Variants in MORC2 observed in about 807,000 individuals in gnomAD.
MORC2 encodes the protein MORC family CW-type zinc finger 2.
MORC2 carries 30 observed loss-of-function variants against 136.0 expected under a neutral mutation model. The observed-to-expected ratio is 0.22, with a 90% CI of 0.17 to 0.30. The LOEUF (loss-of-function observed/expected upper bound fraction) is 0.30, where lower values mean the gene tolerates loss of function less well. Ranked by LOEUF, MORC2 falls within the 10% of genes least tolerant of loss-of-function variation. MORC2 has a pLI of 1.00. For synonymous variants in MORC2, 439 were observed against 487.0 expected, an observed-to-expected ratio of 0.90 and a Z score of 1.30; for missense variants, 922 against 1,333.1, an observed-to-expected ratio of 0.69 and a Z score of 4.80.
At chr22:30,960,711 G>C (rs1455178334) in intron 1 of MORC2, among the ~76,000 whole-genome samples, 1 of 146,420 alleles carries the variant, frequency 6.8e-6, no homozygotes, top group African/African-American at 2.5e-5. Context: ...GGCTGGTCTT[G>C]AACTCCCAAC....
At chr22:30,940,648 G>A in intron 10 of MORC2, 110 bp downstream of exon 10, 2 of 915,184 alleles carry the variant, frequency 2.2e-6, no homozygotes, top group South Asian at 1.4e-5. Flanking sequence ...CAGGAGACCA[G>A]CCTTGTCCCT....
Position 30,950,372 on chromosome 22 carries a change from C to T in MORC2, c.226+5G>A, listed in dbSNP as rs1408419551. ...ACCCCCCAAAACAATAATCTCATCA[C>T]TTACTTGGATCCATTCCTGCTCCAT... On this transcript the variant is annotated splice_donor_5th_base_variant and intron_variant, in intron 4 of 25. Transcript: ENST00000397641. 3.8e-6 allele frequency: 4 copies of T among 1,042,618 alleles called. 1 individual carries two copies. The Admixed American group carries it at 6.0e-5, about 16-fold the overall frequency. 64.6% of individuals were successfully genotyped at this position (1,042,618 alleles called of 1,614,324 possible).
Position 30,932,467 on chromosome 22 carries a change from G to T in MORC2, c.2748-15C>A, listed in dbSNP as rs760591381. The T allele has an allele frequency of 6.2e-6, 10 of 1,613,226 alleles. No homozygotes were observed. The highest frequency in any genetic ancestry group is 5.5e-5 in the South Asian group (5 of 91,056). ...GTAAACAATTCCTAAAGAAGGCAGGGACAGTAATTCAGAATGGCATGGAGC... is the reference window on the plus strand; with the variant it reads ...GTAAACAATTCCTAAAGAAGGCAGGTACAGTAATTCAGAATGGCATGGAGC... On this transcript the variant is annotated splice_polypyrimidine_tract_variant and intron_variant, in intron 23 of 25. Coordinates refer to ENST00000397641, the MANE Select transcript of MORC2 (RefSeq NM_001303256.3). The surrounding 1 kb of genome is among the most constrained non-coding windows in gnomAD (Gnocchi z 4.4).
chr22:30,927,560 T>C (rs757486739), intron 25 of MORC2, among the ~76,000 whole-genome samples: 1 of 152,130 alleles, frequency 6.6e-6, no homozygotes, highest in Non-Finnish European at 1.5e-5. Context: ...CATCAGTAAT[T>C]CTCTCTCTTC....
At chr22:30,927,667 T>C (rs755871962) in intron 25 of MORC2, among the ~76,000 whole-genome samples, 55 of 152,354 alleles carry the variant, frequency 3.6e-4, no homozygotes, top group African/African-American at 1.2e-3. Flanking sequence ...CTCATGCTTA[T>C]TGCCTGGATG....
intron 2 of MORC2, among the ~76,000 whole-genome samples, chr22:30,958,263 T>C (rs1279819890): frequency 6.6e-6 from 1 of 152,210 alleles, no homozygotes; most frequent in Non-Finnish European, 1.5e-5. Context: ...AGACATTAGA[T>C]GGTGTACTAT....
At chr22:30,964,148 G>C (rs1478490186) in intron 1 of MORC2, among the ~76,000 whole-genome samples, 1 of 152,108 alleles carries the variant, frequency 6.6e-6, no homozygotes, top group South Asian at 2.1e-4. Context: ...ATGAGGTCAA[G>C]AGATCAAGTC....
Position 30,926,251 on chromosome 22 carries a change from C to G in MORC2, c.*552G>C, listed in dbSNP as rs146144869. ...AGCTGTTTGGACGCCACAGCCAGGA[C>G]CAACTCTGACAGCTGCGAGAGAGAG... On this transcript the variant is annotated 3_prime_UTR_variant, in exon 26 of 26. Transcript: ENST00000397641. 32 of 152,416 alleles carry G rather than the reference C, an allele frequency of 2.1e-4. No homozygotes were observed. Among genetic ancestry groups the G allele is most frequent in the African/African-American group, 7.5e-4 (31 of 41,538 alleles). 9.4% of individuals were successfully genotyped at this position (152,416 alleles called of 1,614,324 possible).
Position 30,941,839 on chromosome 22 carries a change from G to A in MORC2, c.698+52C>T. 6.8e-7 allele frequency: 1 copy of A among 1,464,278 alleles called. No homozygotes were observed. Among genetic ancestry groups the A allele is most frequent in the Admixed American group, 1.7e-5 (1 of 59,776 alleles). 90.7% of individuals were successfully genotyped at this position (1,464,278 alleles called of 1,614,324 possible). A position where few individuals can be genotyped will look rare whatever the true frequency, so the allele number is the denominator to read the frequency against. ...CCCTCTTTCCCTGAAGCCATCTCCT[G>A]AGAGCACAAACGCCAGTTCCAGGGC... On this transcript the variant is annotated intron_variant, in intron 8 of 25. Coordinates refer to ENST00000397641, the MANE Select transcript of MORC2 (RefSeq NM_001303256.3). The surrounding 1 kb of genome is among the most constrained non-coding windows in gnomAD (Gnocchi z 4.6).
chr22:30,940,689 CCA>C, intron 10 of MORC2, 67 bp downstream of exon 10: 1 of 1,396,498 alleles, frequency 7.2e-7, no homozygotes, highest in Non-Finnish European at 1.0e-6. Flanking sequence ...TCCTGGAACC[CCA>C]CTTTGCCCAC....
intron 1 of MORC2, 73 bp from the exon 2 acceptor site, chr22:30,958,767 T>A: frequency 7.4e-7 from 1 of 1,343,060 alleles, no homozygotes; most frequent in Non-Finnish European, 1.0e-6. Flanking sequence ...GCCATGGTTA[T>A]AAAATATTTA....
intron 1 of MORC2, chr22:30,967,281 T>G: frequency 1.0e-5 from 10 of 986,556 alleles, no homozygotes; most frequent in Non-Finnish European, 1.2e-5. Context: ...TATAAACAAG[T>G]TGCCGTTTCC....
At position 30,968,627 on chromosome 22, in the gene MORC2, A is replaced by G. The variant is rs2041166248; in HGVS notation, c.-738T>C. Among the ~76,000 whole-genome samples, 4 of 151,918 alleles carry G rather than the reference A, an allele frequency of 2.6e-5. No homozygotes were observed. In the South Asian group the frequency reaches 8.3e-4, roughly 31 times the overall value. On this transcript the variant is annotated 5_prime_UTR_variant, in exon 1 of 26. Coordinates refer to ENST00000397641, the MANE Select transcript of MORC2 (RefSeq NM_001303256.3). ...CGCGCCCCGCCCCCACGTCCCTCAG[A>G]CAACAGCCTCAGCCTCCCAGGCCCT...
chr22:30,935,470 G>A, intron 17 of MORC2, 148 bp from the exon 18 acceptor site: 1 of 714,874 alleles, frequency 1.4e-6, no homozygotes, highest in Non-Finnish European at 2.3e-6. Context: ...TCATTGGGGA[G>A]ACACAAAATA....
chr22:30,953,553 G>A lies in MORC2; in HGVS notation c.158-3108C>T, dbSNP rs533159900. Among the ~76,000 whole-genome samples the A allele has an allele frequency of 2.0e-4, 30 of 152,312 alleles. 1 individual carries two copies. In the South Asian group the frequency reaches 4.8e-3, roughly 24 times the overall value. Reference sequence around the variant, plus strand: ...TGATAAAATAATGGTGTCCCCAGGAGAGGCTGCAATAAAATGACATCCAAG... The same window carrying A: ...TGATAAAATAATGGTGTCCCCAGGAAAGGCTGCAATAAAATGACATCCAAG... On this transcript the variant is annotated intron_variant, in intron 3 of 25. Coordinates refer to ENST00000397641, the MANE Select transcript of MORC2 (RefSeq NM_001303256.3).
At position 30,929,564 on chromosome 22, in the gene MORC2, C is replaced by T. The variant is rs568156868; in HGVS notation, c.2842-1357G>A. Among the ~76,000 whole-genome samples the T allele has an allele frequency of 4.7e-4, 72 of 151,968 alleles. No individual in the cohort carries two copies. In the East Asian group the frequency reaches 0.013, roughly 27 times the overall value. On this transcript the variant is annotated intron_variant, in intron 24 of 25. Transcript: ENST00000397641. The stretch of plus-strand genomic sequence containing the variant: ...GAGATCGAGACCATCCTGGCTAACA[C>T]GGTGAAACCCCATCTCTACTAAAAA...
chr22:30,953,717 G>A (rs147126664), intron 3 of MORC2, among the ~76,000 whole-genome samples: 2 of 152,198 alleles, frequency 1.3e-5, no homozygotes, highest in African/African-American at 4.8e-5. Flanking sequence ...TACCCCAGAA[G>A]GTCAAGAAAG....
chr22:30,967,560 A>C (rs2041147791), intron 1 of MORC2: 2 of 1,288,754 alleles, frequency 1.6e-6, no homozygotes, highest in Non-Finnish European at 2.0e-6. Flanking sequence ...GAAACAACTC[A>C]ACATATTGAC....
At chr22:30,964,782 AC>A (rs1164505188) in intron 1 of MORC2, among the ~76,000 whole-genome samples, 2 of 152,234 alleles carry the variant, frequency 1.3e-5, no homozygotes, top group African/African-American at 4.8e-5. Context: ...AAGACCTGAT[AC>A]AAAAAAAGAC....
Sources: allele counts gnomAD v4.1 joint callset (sites outside exome capture counted in the v4.1 genomes callset), GRCh38; gene constraint gnomAD v4.1.1; non-coding constraint Gnocchi (gnomAD v3.1); transcripts MANE v1.5; gene names NCBI Gene and HGNC (gene_info 2026-07-23, HGNC 2026-07-21).